TAF3: variants seen among roughly 807,000 people sequenced by gnomAD.
The protein encoded by TAF3 is transcription initiation factor TFIID subunit 3.
A neutral mutation model predicts 80.6 loss-of-function variants in TAF3; 7 were observed. The observed-to-expected ratio is 0.09, with a 90% CI of 0.05 to 0.16. TAF3 has a LOEUF of 0.16. TAF3 is among the 10% of genes least tolerant of loss of function. TAF3 has a pLI of 1.00. For missense variants in TAF3, 921 were observed against 1,140.2 expected (o/e 0.81, Z 2.77); for synonymous variants, 444 against 446.1 (o/e 1.00, Z 0.06).
At chr10:7,982,371 AT>A (rs1357038986) in intron 4 of TAF3, among the ~76,000 whole-genome samples, 9 of 152,140 alleles carry the variant, frequency 5.9e-5, no homozygotes, top group Admixed American at 2.0e-4. Context: ...AAAAAAATAC[AT>A]TTTTAAAATT....
chr10:7,834,996 T>A (rs1836837609), intron 2 of TAF3, among the ~76,000 whole-genome samples: 1 of 152,234 alleles, frequency 6.6e-6, no homozygotes, highest in South Asian at 2.1e-4. Context: ...TATAGGTTCA[T>A]CAGTTTTTTC....
intron 2 of TAF3, among the ~76,000 whole-genome samples, chr10:7,911,221 A>G (rs1206591136): frequency 2.0e-5 from 3 of 152,254 alleles, no homozygotes; most frequent in African/African-American, 7.2e-5. Flanking sequence ...GGCAACAAGC[A>G]AACATGAGGA....
At position 8,009,250 on chromosome 10, in the gene TAF3, TC is replaced by T; in HGVS notation, c.2492del (p.Pro831ArgfsTer18). The T allele has an allele frequency of 1.3e-6, 2 of 1,526,992 alleles. No individual in the cohort carries two copies. The highest frequency in any genetic ancestry group is 1.4e-5 in the African/African-American group (1 of 69,934). The allele number at this position is 1,526,992 out of a possible 1,614,324, so 94.6% of individuals were successfully genotyped here. On this transcript the variant is annotated frameshift_variant, in exon 5 of 7. Coordinates refer to ENST00000344293, the MANE Select transcript of TAF3 (RefSeq NM_031923.4). LOFTEE classifies it high-confidence loss of function. This position sits in a 1 kb window ranked among gnomAD's most constrained non-coding sequence, Gnocchi z 4.1. ...QAAAGPALLP[S>X]PGPAASGASA... Reference sequence around the variant, plus strand: ...CGCCGCGGGCCCTGCCCTGCTGCCCTCCCCGGGTCCCGCCGCCTCCGGGGCC... The same window carrying T: ...CGCCGCGGGCCCTGCCCTGCTGCCCTCCCGGGTCCCGCCGCCTCCGGGGCC...
intron 2 of TAF3, among the ~76,000 whole-genome samples, chr10:7,842,148 A>ATTGTTTTTTTTC (rs1836921105): frequency 9.4e-6 from 1 of 106,320 alleles, no homozygotes; most frequent in Non-Finnish European, 2.0e-5. Flanking sequence ...TTGAATTAAT[A>ATTGTTTTTTTTC]TTGTTTTTTT....
intron 2 of TAF3, among the ~76,000 whole-genome samples, chr10:7,870,323 A>G (rs1181913583): frequency 6.6e-6 from 1 of 152,210 alleles, no homozygotes; most frequent in African/African-American, 2.4e-5. Flanking sequence ...TTCCGGGAGT[A>G]TATTGTTTAA....
chr10:7,950,512 A>T lies in TAF3; in HGVS notation c.410-13408A>T, dbSNP rs1344772536. The stretch of plus-strand genomic sequence containing the variant: ...CATAGTGTTTTAGTTCATGAAGCAT[A>T]TTTATTCTTTTCATGAAATGCTTCT... On this transcript the variant is annotated intron_variant, in intron 2 of 6. Coordinates refer to ENST00000344293, the MANE Select transcript of TAF3 (RefSeq NM_031923.4). Among the ~76,000 whole-genome samples, 4 of 152,210 alleles carry T rather than the reference A, an allele frequency of 2.6e-5. No homozygotes were observed. In the East Asian group the frequency reaches 7.7e-4, roughly 29 times the overall value.
intron 2 of TAF3, among the ~76,000 whole-genome samples, chr10:7,856,686 A>G (rs1014027925): frequency 6.6e-6 from 1 of 152,194 alleles, no homozygotes; most frequent in South Asian, 2.1e-4. Flanking sequence ...CCTTCGAAAA[A>G]TGGCTTTTTC....
At chr10:7,895,018 A>G (rs564813600) in intron 2 of TAF3, among the ~76,000 whole-genome samples, 1 of 152,188 alleles carries the variant, frequency 6.6e-6, no homozygotes, top group Admixed American at 6.5e-5. Flanking sequence ...TGGGATTACA[A>G]GTGCCCACCA....
chr10:7,926,914 G>C (rs1837821154), intron 2 of TAF3, among the ~76,000 whole-genome samples: 1 of 152,114 alleles, frequency 6.6e-6, no homozygotes, highest in Non-Finnish European at 1.5e-5. Context: ...GTATTTTACT[G>C]TTTGGTTCAA....
chr10:7,942,082 A>G lies in TAF3; in HGVS notation c.410-21838A>G, dbSNP rs78837569. On this transcript the variant is annotated intron_variant, in intron 2 of 6. Transcript: ENST00000344293. ...GTGCCTCCACTTCAGTTATATCTCA[A>G]GAGGTGACAAGTTGACATTTTTATT... is the stretch of plus-strand genomic sequence containing the variant. Among the ~76,000 whole-genome samples the G allele has an allele frequency of 2.7e-3, 412 of 152,260 alleles. 4 individuals are homozygous for G. Among genetic ancestry groups the G allele is most frequent in the African/African-American group, 9.2e-3 (384 of 41,538 alleles).
At chr10:7,985,986 G>C (rs965042436) in intron 4 of TAF3, among the ~76,000 whole-genome samples, 1 of 151,852 alleles carries the variant, frequency 6.6e-6, no homozygotes, top group South Asian at 2.1e-4. Flanking sequence ...GTTTCGCCTT[G>C]TTGGCCAGGC....
intron 2 of TAF3, among the ~76,000 whole-genome samples, chr10:7,831,370 G>A (rs932470775): frequency 6.6e-6 from 1 of 151,492 alleles, no homozygotes; most frequent in Admixed American, 6.6e-5. Context: ...TTTTGAGATG[G>A]AGTCTCACTC....
At chr10:7,984,752 C>G (rs1474613478) in intron 4 of TAF3, among the ~76,000 whole-genome samples, 1 of 152,198 alleles carries the variant, frequency 6.6e-6, no homozygotes, top group African/African-American at 2.4e-5. Flanking sequence ...GATTCATTAT[C>G]TAGAAAAAGC....
intron 4 of TAF3, among the ~76,000 whole-genome samples, chr10:7,982,191 T>C (rs1831732577): frequency 6.6e-6 from 1 of 152,120 alleles, no homozygotes; most frequent in Admixed American, 6.5e-5. Context: ...AAGTGCTTTT[T>C]ATTCATATAT....
At chr10:7,995,396 C>A (rs1401325138) in intron 4 of TAF3, among the ~76,000 whole-genome samples, 5 of 152,174 alleles carry the variant, frequency 3.3e-5, no homozygotes, top group African/African-American at 1.2e-4. Context: ...TGCTTTCATG[C>A]CTTTTTCCCT....
intron 6 of TAF3, among the ~76,000 whole-genome samples, 170 bp downstream of exon 6, chr10:8,014,007 CCAAGAGTG>C (rs200707169): frequency 0.043 from 6,602 of 152,262 alleles, 214 homozygotes; most frequent in Non-Finnish European, 0.061. Flanking sequence ...ACTGCAAAAC[CCAAGAGTG>C]CTTAGACTAT....
intron 2 of TAF3, among the ~76,000 whole-genome samples, chr10:7,903,211 A>T (rs190888782): frequency 2.7e-4 from 41 of 152,184 alleles, no homozygotes; most frequent in African/African-American, 9.4e-4. Flanking sequence ...ACAGAGCAAG[A>T]CTCTATCTCA....
intron 2 of TAF3, among the ~76,000 whole-genome samples, chr10:7,825,721 C>T (rs1033681774): frequency 6.6e-6 from 1 of 152,220 alleles, no homozygotes; most frequent in African/African-American, 2.4e-5. Flanking sequence ...GTACATTCCA[C>T]ATTTGTTTAT....
At chr10:7,980,687 C>T (rs946925234) in intron 4 of TAF3, among the ~76,000 whole-genome samples, 4 of 152,194 alleles carry the variant, frequency 2.6e-5, no homozygotes, top group African/African-American at 9.7e-5. Context: ...TCCAGCCTAG[C>T]AGAAGCCTTG....
Sources: gnomAD v4.1 joint callset for allele counts (sites outside exome capture counted in the v4.1 genomes callset) on GRCh38, gnomAD v4.1.1 for gene constraint, Gnocchi (gnomAD v3.1) non-coding constraint, MANE v1.5 for transcripts, NCBI Gene and HGNC (gene_info 2026-07-23, HGNC 2026-07-21) for gene names.